The following CCNF variants were observed in gnomAD, a reference collection of about 807,000 sequenced individuals.
CCNF encodes cyclin F, also known as cyclin-F.
CCNF carries 30 observed loss-of-function variants against 85.4 expected under a neutral mutation model. The ratio of observed to expected loss-of-function variants is 0.35; its 90% confidence interval spans 0.26 to 0.48. CCNF has a LOEUF of 0.48. Ranked by LOEUF, CCNF falls within the 20% of genes least tolerant of loss-of-function variation. CCNF has a pLI of 0.99. For missense variants in CCNF, 919 were observed against 1,010.4 expected, an observed-to-expected ratio of 0.91 and a Z score of 1.23; for synonymous variants, 439 against 425.1, an observed-to-expected ratio of 1.03 and a Z score of -0.40.
At chr16:2,437,521 G>A (rs1051438374) in intron 5 of CCNF, 199 bp downstream of exon 5, 30 of 536,684 alleles carry the variant, frequency 5.6e-5, no homozygotes, top group Non-Finnish European at 1.3e-5. Flanking sequence ...GCCAGGGTGG[G>A]CTGTGGAGTT....
chr16:2,456,670 C>T lies in CCNF; in HGVS notation c.2011C>T (p.Leu671=), dbSNP rs772355945. ...CAAGGGACCCCAGGACCCACAGGCA[C>T]TGGCGCTGGACACCCAGATCCCTGC... is the stretch of plus-strand genomic sequence containing the variant. ...EDKGPQDPQA[L]ALDTQIPATP... Residue 671 remains leucine (L), a synonymous_variant, in exon 17 of 17, where the codon CTG becomes TTG. Transcript: ENST00000397066. This position sits in a 1 kb window ranked among gnomAD's most constrained non-coding sequence, Gnocchi z 4.5. 6.2e-7 allele frequency: 1 copy of T among 1,613,582 alleles called. No individual in the cohort carries two copies. Among genetic ancestry groups the T allele is most frequent in the Non-Finnish European group, 8.5e-7 (1 of 1,179,916 alleles).
At chr16:2,435,610 TA>T (rs2065284864) in intron 3 of CCNF, among the ~76,000 whole-genome samples, 195 bp from the exon 4 acceptor site, 1 of 135,900 alleles carries the variant, frequency 7.4e-6, no homozygotes, top group Admixed American at 7.6e-5. Context: ...TATATATATA[TA>T]TGCACACACA....
chr16:2,446,653 G>A (rs1340441955), intron 10 of CCNF, among the ~76,000 whole-genome samples: 1 of 152,236 alleles, frequency 6.6e-6, no homozygotes, highest in Non-Finnish European at 1.5e-5. Context: ...GATAGGCTTG[G>A]CTGCACACAG....
rs927292155 is a variant in CCNF, at chr16:2,451,029, G to C, written c.1487+1114G>C. ...TCCCTCCACCTGCCCCGGCCCCTCC[G>C]CCCTTCTCTCTGGTGAGCCTGGCCC... is the stretch of plus-strand genomic sequence containing the variant. On this transcript the variant is annotated intron_variant, in intron 13 of 16. Transcript: ENST00000397066. This position sits in a 1 kb window ranked among gnomAD's most constrained non-coding sequence, Gnocchi z 4.3. 6.6e-6 allele frequency among the ~76,000 whole-genome samples: 1 copy of C among 152,080 alleles called. No individual in the cohort carries two copies. The highest frequency in any genetic ancestry group is 2.4e-5 in the African/African-American group (1 of 41,412).
Position 2,452,828 on chromosome 16 carries a change from G to T in CCNF, c.1488-382G>T. On this transcript the variant is annotated intron_variant, in intron 13 of 16. Coordinates refer to ENST00000397066, the MANE Select transcript of CCNF (RefSeq NM_001761.3). The surrounding 1 kb of genome is among the most constrained non-coding windows in gnomAD (Gnocchi z 4.1). The stretch of plus-strand genomic sequence containing the variant: ...CTTCTGTGTCTAGGTGATTTCCCTC[G>T]CGGTAACGTTTGCTGGGTTTGTCCA... 4.2e-6 allele frequency: 1 copy of T among 239,436 alleles called. No individual in the cohort carries two copies. Among genetic ancestry groups the T allele is most frequent in the Non-Finnish European group, 8.3e-6 (1 of 120,486 alleles). 14.8% of individuals were successfully genotyped at this position (239,436 alleles called of 1,614,324 possible). A position where few individuals can be genotyped will look rare whatever the true frequency, so the allele number is the denominator to read the frequency against.
chr16:2,450,336 TAAAA>T (rs869044588), intron 13 of CCNF, among the ~76,000 whole-genome samples: 1 of 65,940 alleles, frequency 1.5e-5, no homozygotes, highest in African/African-American at 7.1e-5. Context: ...CTGTCTCTAC[TAAAA>T]AAAAAAAAAA....
chr16:2,439,309 A>G lies in CCNF; in HGVS notation c.595-44A>G, dbSNP rs758360948. 5 of 1,469,844 alleles carry G rather than the reference A, an allele frequency of 3.4e-6. No individual in the cohort carries two copies. The Admixed American group carries it at 1.0e-4, about 30-fold the overall frequency. 91.1% of individuals were successfully genotyped at this position (1,469,844 alleles called of 1,614,324 possible). ...GAAACTGTCTCAAAAAATAAAAATG[A>G]AAAAGAATAAGGGAACAATGAACTC... is the stretch of plus-strand genomic sequence containing the variant. On this transcript the variant is annotated intron_variant, in intron 6 of 16. Coordinates refer to ENST00000397066, the MANE Select transcript of CCNF (RefSeq NM_001761.3).
At chr16:2,454,451 G>A (rs1164708655) in intron 15 of CCNF, among the ~76,000 whole-genome samples, 2 of 152,228 alleles carry the variant, frequency 1.3e-5, no homozygotes, top group Non-Finnish European at 2.9e-5. Context: ...CTGGCCCTGT[G>A]CTCAGCCTCG....
Position 2,453,638 on chromosome 16 carries a change from G to C in CCNF, c.1715+101G>C. Reference sequence around the variant, plus strand: ...TCACACAGAGAGGCCCCCAAGGCTTGTCAGGGGAGCAGCAGATCCCAGGAC... The same window carrying C: ...TCACACAGAGAGGCCCCCAAGGCTTCTCAGGGGAGCAGCAGATCCCAGGAC... On this transcript the variant is annotated intron_variant, in intron 15 of 16. Coordinates refer to ENST00000397066, the MANE Select transcript of CCNF (RefSeq NM_001761.3). The surrounding 1 kb of genome is among the most constrained non-coding windows in gnomAD (Gnocchi z 5.6). The C allele has an allele frequency of 6.8e-7, 1 of 1,478,356 alleles. No homozygotes were observed. The highest frequency in any genetic ancestry group is 9.3e-7 in the Non-Finnish European group (1 of 1,077,840). The allele number at this position is 1,478,356 out of a possible 1,614,324, so 91.6% of individuals were successfully genotyped here.
intron 8 of CCNF, among the ~76,000 whole-genome samples, chr16:2,443,292 G>T (rs1005928978): frequency 3.3e-5 from 5 of 150,584 alleles, no homozygotes; most frequent in African/African-American, 4.9e-5. Context: ...TGAGGCAGGT[G>T]CTCCTATTCC....
At chr16:2,455,661 G>C in intron 16 of CCNF, 97 bp downstream of exon 16, 1 of 1,457,206 alleles carries the variant, frequency 6.9e-7, no homozygotes, top group Non-Finnish European at 9.1e-7. Flanking sequence ...AGCGCTGTGG[G>C]AGGAAGATGT....
Position 2,456,649 on chromosome 16 carries a change from G to A in CCNF, c.1990G>A (p.Gly664Arg). 1 of 1,612,994 alleles carries A rather than the reference G, an allele frequency of 6.2e-7. No individual in the cohort carries two copies. Among genetic ancestry groups the A allele is most frequent in the Non-Finnish European group, 8.5e-7 (1 of 1,179,666 alleles). The change falls in exon 17 of 17, where the codon GGA becomes AGA. Residue 664 changes from glycine to arginine, a missense_variant. Transcript: ENST00000397066. This position sits in a 1 kb window ranked among gnomAD's most constrained non-coding sequence, Gnocchi z 4.5. The stretch of plus-strand genomic sequence containing the variant: ...TGAGGAGGCTTGTCCAGAGGACAAG[G>A]GACCCCAGGACCCACAGGCACTGGC... ...SDEEACPEDK[G>R]PQDPQALALD...
Position 2,453,571 on chromosome 16 carries a change from A to G in CCNF, c.1715+34A>G, listed in dbSNP as rs566508235. The stretch of plus-strand genomic sequence containing the variant: ...CCCTGCGTTCTGGCTGCGCCATACA[A>G]TGCTGGCATCCTCGTGCCGGCCCAG... On this transcript the variant is annotated intron_variant, in intron 15 of 16. Transcript: ENST00000397066. The surrounding 1 kb of genome is among the most constrained non-coding windows in gnomAD (Gnocchi z 5.6). The G allele has an allele frequency of 1.2e-4, 188 of 1,612,488 alleles. No homozygotes were observed. The highest frequency in any genetic ancestry group is 1.5e-4 in the Non-Finnish European group (180 of 1,179,308).
chr16:2,442,980 A>G (rs1471267804), intron 8 of CCNF, among the ~76,000 whole-genome samples: 1 of 107,654 alleles, frequency 9.3e-6, no homozygotes, highest in Non-Finnish European at 1.7e-5. Context: ...TATATATTAT[A>G]TATTATTTAT....
rs754284159 is a variant in CCNF, at chr16:2,437,256, G to T, written c.474G>T (p.Ser158=). Residue 158 remains serine (S), a synonymous_variant, in exon 5 of 17, where the codon TCG becomes TCT. Transcript: ENST00000397066. ...FIWLFIRPPW[S]VSGSCCKAVV... is the part of the protein sequence containing the mutation. The stretch of plus-strand genomic sequence containing the variant: ...GGCTCTTCATCCGCCCTCCGTGGTC[G>T]GTGAGCGGAAGCTGCTGCAAGGCCG... The T allele has an allele frequency of 6.2e-7, 1 of 1,611,188 alleles. No individual in the cohort carries two copies. Among genetic ancestry groups the T allele is most frequent in the Non-Finnish European group, 8.5e-7 (1 of 1,179,140 alleles).
At chr16:2,454,397 A>C (rs928358829) in intron 15 of CCNF, among the ~76,000 whole-genome samples, 1 of 152,178 alleles carries the variant, frequency 6.6e-6, no homozygotes, top group Non-Finnish European at 1.5e-5. Flanking sequence ...TCACGAGGAA[A>C]GTCCATGCAG....
At chr16:2,448,358 TG>T (rs989756397) in intron 10 of CCNF, among the ~76,000 whole-genome samples, 4 of 152,210 alleles carry the variant, frequency 2.6e-5, no homozygotes, top group African/African-American at 9.6e-5. Flanking sequence ...GTCTGCCTTG[TG>T]GCTCTCATCC....
intron 8 of CCNF, 36 bp downstream of exon 8, chr16:2,439,862 C>G (rs534000888): frequency 2.5e-6 from 4 of 1,568,734 alleles, no homozygotes; most frequent in East Asian, 4.5e-5. Flanking sequence ...GGGGAGCTGG[C>G]CTTTCTCCCT....
chr16:2,444,072 A>T (rs2065347737), intron 9 of CCNF, among the ~76,000 whole-genome samples: 1 of 151,640 alleles, frequency 6.6e-6, no homozygotes, highest in Non-Finnish European at 1.5e-5. Context: ...GGCACCCACC[A>T]CCATGCCCGG....
Sources: gnomAD v4.1 joint callset for allele counts (sites outside exome capture counted in the v4.1 genomes callset) on GRCh38, gnomAD v4.1.1 for gene constraint, Gnocchi (gnomAD v3.1) non-coding constraint, MANE v1.5 for transcripts, NCBI Gene and HGNC (gene_info 2026-07-23, HGNC 2026-07-21) for gene names.